Variants in FREM1 observed in about 807,000 individuals in gnomAD.
The protein encoded by FREM1 is FRAS1-related extracellular matrix protein 1.
In FREM1, 220 loss-of-function variants were observed where a neutral mutation model predicts 210.1. That is an observed-to-expected ratio of 1.05 (90% CI 0.94 to 1.17). The LOEUF is 1.17. Among genes scored for constraint, FREM1 ranks in the 50% most tolerant of loss-of-function variants. The pLI is 0.00. For missense variants in FREM1, 3,454 were observed against 2,675.5 expected, an observed-to-expected ratio of 1.29 and a Z score of -6.42; for synonymous variants, 1,189 against 980.2, an observed-to-expected ratio of 1.21 and a Z score of -3.98.
chr9:14,816,816 C>CG lies in FREM1; in HGVS notation c.2601dup (p.Asp868ArgfsTer13). 6.9e-7 allele frequency: 1 copy of CG among 1,441,356 alleles called. No individual in the cohort carries two copies. The highest frequency in any genetic ancestry group is 9.3e-7 in the Non-Finnish European group (1 of 1,069,548). 89.3% of individuals were successfully genotyped at this position (1,441,356 alleles called of 1,614,324 possible). A position where few individuals can be genotyped will look rare whatever the true frequency, so the allele number is the denominator to read the frequency against. On this transcript the variant is annotated frameshift_variant, in exon 15 of 37. Transcript: ENST00000380880. LOFTEE classifies it high-confidence loss of function. ...ACAAATTCTGCTGAATTTGTGCCAT[C>CG]GGTGACCTCCAAGAGTAGGTCATCC...
At chr9:14,891,995 T>C (rs995026326) in intron 1 of FREM1, among the ~76,000 whole-genome samples, 1 of 152,194 alleles carries the variant, frequency 6.6e-6, no homozygotes, top group Non-Finnish European at 1.5e-5. Flanking sequence ...CTTTTATTCC[T>C]TTACTTTCTT....
chr9:14,896,640 C>T (rs904853199), intron 1 of FREM1, among the ~76,000 whole-genome samples: 1 of 152,000 alleles, frequency 6.6e-6, no homozygotes, highest in South Asian at 2.1e-4. Flanking sequence ...CAGCAGCTCT[C>T]AGTGCTGCTC....
At chr9:14,821,037 A>C (rs1034593684) in intron 13 of FREM1, among the ~76,000 whole-genome samples, 1 of 152,186 alleles carries the variant, frequency 6.6e-6, no homozygotes, top group Non-Finnish European at 1.5e-5. Flanking sequence ...GCATAAGGCT[A>C]ATTTCCCCCG....
chr9:14,786,774 T>C (rs1053266948), intron 23 of FREM1, among the ~76,000 whole-genome samples: 1 of 152,236 alleles, frequency 6.6e-6, no homozygotes, highest in African/African-American at 2.4e-5. Context: ...ACTTCAGTCC[T>C]ACGTAGAATC....
chr9:14,777,765 T>C (rs754992877), intron 24 of FREM1, among the ~76,000 whole-genome samples: 15 of 152,192 alleles, frequency 9.9e-5, no homozygotes, highest in Admixed American at 6.5e-5. Context: ...GGTTTGAGCA[T>C]TGATCCTTTT....
chr9:14,775,363 T>C (rs1848362555), intron 25 of FREM1, among the ~76,000 whole-genome samples: 1 of 152,150 alleles, frequency 6.6e-6, no homozygotes, highest in African/African-American at 2.4e-5. Flanking sequence ...ATTGCTGTTT[T>C]GCTGTAGATG....
chr9:14,874,721 TG>T (rs1483574946), intron 1 of FREM1, among the ~76,000 whole-genome samples: 2 of 152,224 alleles, frequency 1.3e-5, no homozygotes, highest in Non-Finnish European at 2.9e-5. Flanking sequence ...TGATTTTAGC[TG>T]GTTATTTTGC....
In FREM1 at chr9:14,769,770, C is replaced by T. The variant is rs1847186693; in HGVS notation, c.5158G>A (p.Glu1720Lys). 6.2e-7 allele frequency: 1 copy of T among 1,611,354 alleles called. No homozygotes were observed. The stretch of plus-strand genomic sequence containing the variant: ...CCTGTGGGGTCCATGATTTGAAATT[C>T]CACGGTATCTGAATTTACTTCCAAA... ...PSLEVNSDTV[E>K]FQIMDPTGNS... The change falls in exon 27 of 37, where the codon GAA becomes AAA. Residue 1720 changes from glutamate (E) to lysine (K), a missense_variant. Glu to Lys is a moderately conservative substitution (Grantham distance 56). Coordinates refer to ENST00000380880, the MANE Select transcript of FREM1 (RefSeq NM_001379081.2).
chr9:14,762,577 T>A (rs1845690253), intron 27 of FREM1, among the ~76,000 whole-genome samples: 1 of 152,110 alleles, frequency 6.6e-6, no homozygotes, highest in Non-Finnish European at 1.5e-5. Flanking sequence ...CGTTTATAGG[T>A]CAAGGTGGTC....
rs187388944 is a variant in FREM1 at position 14,805,023 on chromosome 9, A to G, written c.3404T>C (p.Ile1135Thr). The change falls in exon 19 of 37, where the codon ATA (isoleucine) becomes ACA (threonine). Residue 1135 changes from isoleucine (I) to threonine (T), a missense_variant. Physicochemically the swap from Ile to Thr is moderately conservative, Grantham distance 89. Coordinates refer to ENST00000380880, the MANE Select transcript of FREM1 (RefSeq NM_001379081.2). The stretch of plus-strand genomic sequence containing the variant: ...GGGGTTGATTATAATAGAAAATGGT[A>G]TCTCCAAGGAGTGATGCTTCCCATC... ...VTDGKHHSLE[I>T]PFSIIINPTN... The G allele has an allele frequency of 1.2e-4, 200 of 1,613,856 alleles. No homozygotes were observed. In the East Asian group the frequency reaches 2.9e-3, roughly 23 times the overall value.
intron 1 of FREM1, among the ~76,000 whole-genome samples, chr9:14,885,176 G>A (rs797022590): frequency 1.3e-5 from 2 of 151,696 alleles, no homozygotes; most frequent in African/African-American, 4.8e-5. Context: ...CACCCGCCTC[G>A]GCCTCCCCAT....
chr9:14,748,475 C>A lies in FREM1; in HGVS notation c.5722G>T (p.Gly1908Ter), dbSNP rs1455453426. 6.2e-7 allele frequency: 1 copy of A among 1,613,852 alleles called. No homozygotes were observed. The highest frequency in any genetic ancestry group is 8.5e-7 in the Non-Finnish European group (1 of 1,179,818). ...PSSMQLAVIRGDTLRGFDSTD... is the reference protein window; with the variant it reads ...PSSMQLAVIR ...GAATCAAAGCCCCGCAGGGTGTCTC[C>A]CCTGATGACTGCTAGCTGCATGGAA... Residue 1908 changes from glycine (G) to a stop codon, truncating the protein, a stop_gained, in exon 31 of 37, where the codon GGA becomes TGA. Transcript: ENST00000380880. LOFTEE classifies it high-confidence loss of function.
At chr9:14,788,304 A>G (rs1358543243) in intron 23 of FREM1, among the ~76,000 whole-genome samples, 1 of 152,064 alleles carries the variant, frequency 6.6e-6, no homozygotes, top group Non-Finnish European at 1.5e-5. Context: ...ACTCTCCTCC[A>G]TCTTCCATTT....
intron 28 of FREM1, among the ~76,000 whole-genome samples, chr9:14,758,879 G>A (rs1844916652): frequency 6.6e-6 from 1 of 152,168 alleles, no homozygotes; most frequent in Admixed American, 6.5e-5. Flanking sequence ...GTGGTTAACT[G>A]AAAATTCTTC....
intron 23 of FREM1, among the ~76,000 whole-genome samples, chr9:14,788,662 A>G (rs1322113612): frequency 5.3e-5 from 8 of 152,218 alleles, no homozygotes; most frequent in Admixed American, 2.0e-4. Context: ...CTGTATAGCC[A>G]TATTGTGTGC....
At chr9:14,784,702 G>T in intron 23 of FREM1, 68 bp from the exon 24 acceptor site, 1 of 1,246,568 alleles carries the variant, frequency 8.0e-7, no homozygotes, top group Non-Finnish European at 1.1e-6. Flanking sequence ...GGCAAAGGCA[G>T]AAGACAAAGG....
At position 14,909,971 on chromosome 9, in the gene FREM1, G is replaced by A. The variant is rs969370863; in HGVS notation, c.-325C>T. On this transcript the variant is annotated 5_prime_UTR_variant, in exon 1 of 37. Coordinates refer to ENST00000380880, the MANE Select transcript of FREM1 (RefSeq NM_001379081.2). ...TAGAAACCCTTGGAACTGGCGGGCAGGATAAGAGTCACTGACACAGCAATC... is the reference window on the plus strand; with the variant it reads ...TAGAAACCCTTGGAACTGGCGGGCAAGATAAGAGTCACTGACACAGCAATC... 5 of 152,326 alleles carry A rather than the reference G, an allele frequency of 3.3e-5. No homozygotes were observed. The highest frequency in any genetic ancestry group is 4.1e-4 in the South Asian group (2 of 4,828). 9.4% of individuals were successfully genotyped at this position (152,326 alleles called of 1,614,324 possible). A position where few individuals can be genotyped will look rare whatever the true frequency, so the allele number is the denominator to read the frequency against.
At chr9:14,901,132 G>A (rs963568641) in intron 1 of FREM1, among the ~76,000 whole-genome samples, 7 of 152,170 alleles carry the variant, frequency 4.6e-5, no homozygotes, top group African/African-American at 1.2e-4. Flanking sequence ...AGTTTTTCAT[G>A]CTTGTTTTAA....
intron 24 of FREM1, among the ~76,000 whole-genome samples, chr9:14,780,078 C>G (rs1849408483): frequency 6.6e-6 from 1 of 152,148 alleles, no homozygotes; most frequent in South Asian, 2.1e-4. Flanking sequence ...ATACCCCCTC[C>G]CCTAAATCCT....
Sources: gnomAD v4.1 joint callset for allele counts (sites outside exome capture counted in the v4.1 genomes callset) on GRCh38, gnomAD v4.1.1 for gene constraint, MANE v1.5 for transcripts, NCBI Gene and HGNC (gene_info 2026-07-23, HGNC 2026-07-21) for gene names.